Variants in DYRK1A observed in about 807,000 individuals in gnomAD.
DYRK1A encodes dual specificity tyrosine phosphorylation regulated kinase 1A.
DYRK1A carries 9 observed loss-of-function variants against 79.7 expected under a neutral mutation model. The observed-to-expected ratio is 0.11, with a 90% confidence interval of 0.07 to 0.20. The LOEUF is 0.20. DYRK1A is among the 10% of genes least tolerant of loss of function. DYRK1A has a pLI of 1.00. For synonymous variants in DYRK1A, 349 were observed against 329.7 expected, an observed-to-expected ratio of 1.06 and a Z score of -0.63; for missense variants, 622 against 956.0, an observed-to-expected ratio of 0.65 and a Z score of 4.61.
intron 9 of DYRK1A, chr21:37,504,883 G>A (rs574191573): frequency 6.0e-6 from 1 of 165,476 alleles, no homozygotes; most frequent in Admixed American, 6.0e-5. Context: ...GTGAGCAGGG[G>A]CATGCATGTT....
chr21:37,520,380 C>T lies in DYRK1A; in HGVS notation c.*7849C>T, dbSNP rs1276766776. 6.6e-6 allele frequency: 1 copy of T among 152,156 alleles called. No individual in the cohort carries two copies. Among genetic ancestry groups the T allele is most frequent in the African/African-American group, 2.4e-5 (1 of 41,412 alleles). The allele number at this position is 152,156 out of a possible 1,614,324, so 9.4% of individuals were successfully genotyped here. The stretch of plus-strand genomic sequence containing the variant: ...GCTTTTGAAATGTAATAGGTTGTAA[C>T]CCACATTTTGAAAGCAGTAAGGAAA... On this transcript the variant is annotated 3_prime_UTR_variant, in exon 12 of 12. Transcript: ENST00000647188.
At chr21:37,458,299 T>TGTGTGC (rs1555972262) in intron 2 of DYRK1A, among the ~76,000 whole-genome samples, 13 of 151,684 alleles carry the variant, frequency 8.6e-5, no homozygotes, top group African/African-American at 3.2e-4. Flanking sequence ...TGTGTGTGTG[T>TGTGTGC]GTGTGTGTAC....
At chr21:37,509,143 C>T (rs1461656490) in intron 11 of DYRK1A, among the ~76,000 whole-genome samples, 1 of 152,158 alleles carries the variant, frequency 6.6e-6, no homozygotes, top group African/African-American at 2.4e-5. Flanking sequence ...TGCCTTCTAG[C>T]CCCTCAATTT....
At chr21:37,477,943 C>T (rs1418923934) in intron 3 of DYRK1A, among the ~76,000 whole-genome samples, 2 of 152,184 alleles carry the variant, frequency 1.3e-5, no homozygotes, top group African/African-American at 2.4e-5. Context: ...TGCATTTCTA[C>T]CACTTTAAAT....
rs955472526 is a variant in DYRK1A, at chr21:37,519,375, T to A, written c.*6844T>A. The A allele has an allele frequency of 2.0e-5, 3 of 152,264 alleles. No individual in the cohort carries two copies. Among genetic ancestry groups the A allele is most frequent in the African/African-American group, 7.2e-5 (3 of 41,454 alleles). 9.4% of individuals were successfully genotyped at this position (152,264 alleles called of 1,614,324 possible). ...TGCTCAACTTGCGCAAGGATTACTG[T>A]CCGCTTTGTACAATGGAGATACCTA... On this transcript the variant is annotated 3_prime_UTR_variant, in exon 12 of 12. Transcript: ENST00000647188.
chr21:37,462,758 C>T (rs918702496), intron 2 of DYRK1A, among the ~76,000 whole-genome samples: 1 of 152,174 alleles, frequency 6.6e-6, no homozygotes, highest in Admixed American at 6.5e-5. Flanking sequence ...GCTCCCCCTT[C>T]CTATATTGTA....
At chr21:37,406,962 C>G (rs1462015048) in intron 1 of DYRK1A, among the ~76,000 whole-genome samples, 1 of 139,734 alleles carries the variant, frequency 7.2e-6, no homozygotes, top group African/African-American at 2.7e-5. Context: ...TTAAAGTCAT[C>G]TTTTACAACT....
intron 1 of DYRK1A, 32 bp from the exon 2 acceptor site, chr21:37,420,267 T>A: frequency 1.2e-6 from 1 of 816,832 alleles, no homozygotes; most frequent in South Asian, 1.9e-5. Context: ...TGCATCATTA[T>A]CTCTTATCAT....
chr21:37,433,906 G>A (rs536114836), intron 2 of DYRK1A, among the ~76,000 whole-genome samples: 2 of 150,830 alleles, frequency 1.3e-5, no homozygotes, highest in South Asian at 4.2e-4. Context: ...TTTCTAGGAT[G>A]GGGGGGTTAA....
intron 2 of DYRK1A, among the ~76,000 whole-genome samples, chr21:37,433,271 C>G (rs945160572): frequency 2.6e-5 from 4 of 152,078 alleles, no homozygotes; most frequent in African/African-American, 9.7e-5. Context: ...CCTTATGTCT[C>G]TAGTCCCCAA....
At chr21:37,449,326 C>T (rs1466150359) in intron 2 of DYRK1A, among the ~76,000 whole-genome samples, 2 of 152,184 alleles carry the variant, frequency 1.3e-5, no homozygotes, top group East Asian at 1.9e-4. Context: ...ATATAATAGT[C>T]CAATGACTGT....
intron 6 of DYRK1A, among the ~76,000 whole-genome samples, chr21:37,489,030 T>C (rs762870322): frequency 1.4e-4 from 21 of 152,160 alleles, no homozygotes; most frequent in Non-Finnish European, 2.5e-4. Flanking sequence ...GTGTTACTTA[T>C]TCTAACTTTA....
intron 3 of DYRK1A, among the ~76,000 whole-genome samples, chr21:37,477,935 C>T (rs538879653): frequency 3.4e-4 from 51 of 152,198 alleles, no homozygotes; most frequent in Non-Finnish European, 6.5e-4. Flanking sequence ...CGTATGTCTG[C>T]ATTTCTACCA....
chr21:37,420,496 T>G, intron 2 of DYRK1A, 112 bp downstream of exon 2: 2 of 1,077,576 alleles, frequency 1.9e-6, no homozygotes, highest in Middle Eastern at 2.0e-4. Context: ...GGGGGAATTG[T>G]AGATCAGTAA....
chr21:37,456,216 T>A (rs2051631399), intron 2 of DYRK1A: 1 of 152,058 alleles, frequency 6.6e-6, no homozygotes, highest in Admixed American at 6.6e-5. Flanking sequence ...TGGGGAAGAG[T>A]GAAGAGTGTA....
chr21:37,476,855 C>T (rs2052416598), intron 3 of DYRK1A, among the ~76,000 whole-genome samples: 1 of 135,346 alleles, frequency 7.4e-6, no homozygotes, highest in Non-Finnish European at 1.5e-5. Flanking sequence ...TTAAGAAGCA[C>T]AGGACTTTGA....
intron 9 of DYRK1A, among the ~76,000 whole-genome samples, chr21:37,498,135 A>T (rs1425576174): frequency 6.6e-6 from 1 of 152,178 alleles, no homozygotes. Flanking sequence ...ACATTTCAAA[A>T]GCCCCATATT....
intron 1 of DYRK1A, among the ~76,000 whole-genome samples, chr21:37,382,307 C>T (rs957361483): frequency 4.6e-5 from 7 of 151,816 alleles, no homozygotes; most frequent in African/African-American, 1.7e-4. Flanking sequence ...CTCCTGGGCT[C>T]AAGTGATCCT....
rs191857320 is a variant in DYRK1A at position 37,515,645 on chromosome 21, A to G, written c.*3114A>G. The G allele has an allele frequency of 4.1e-4, 62 of 152,288 alleles. No homozygotes were observed. Among genetic ancestry groups the G allele is most frequent in the African/African-American group, 1.4e-3 (58 of 41,570 alleles). The allele number at this position is 152,288 out of a possible 1,614,324, so 9.4% of individuals were successfully genotyped here. ...TAAAGTCTTCTCTTTTTACAAATTC[A>G]CCTGCTTCAGTATATATTAAGGTGG... On this transcript the variant is annotated 3_prime_UTR_variant, in exon 12 of 12. Coordinates refer to ENST00000647188, the MANE Select transcript of DYRK1A (RefSeq NM_001347721.2).
Sources: allele counts gnomAD v4.1 joint callset (sites outside exome capture counted in the v4.1 genomes callset), GRCh38; gene constraint gnomAD v4.1.1; transcripts MANE v1.5; gene names NCBI Gene and HGNC (gene_info 2026-07-23, HGNC 2026-07-21).